Variants in RABGAP1L observed in about 807,000 individuals in gnomAD.
The protein encoded by RABGAP1L is RAB GTPase activating protein 1 like.
A neutral mutation model predicts 137.7 loss-of-function variants in RABGAP1L; 63 were observed. The ratio of observed to expected loss-of-function variants is 0.46; its 90% CI spans 0.37 to 0.56. The LOEUF is 0.56. Ranked by LOEUF, RABGAP1L falls within the 20% of genes least tolerant of loss-of-function variation. The pLI is 0.00. For synonymous variants in RABGAP1L, 431 were observed against 433.7 expected (o/e 0.99, Z 0.08); for missense variants, 1,095 against 1,244.0 (o/e 0.88, Z 1.80).
At chr1:174,636,030 C>G (rs1240101843) in intron 13 of RABGAP1L, among the ~76,000 whole-genome samples, 1 of 152,096 alleles carries the variant, frequency 6.6e-6, no homozygotes, top group Admixed American at 6.5e-5. Flanking sequence ...AATTAGTAGT[C>G]TGATGTGAAT....
rs186496460 is a variant in RABGAP1L, at chr1:174,208,262, G to T, written c.-33-10863G>T. Among the ~76,000 whole-genome samples, 14 of 151,786 alleles carry T rather than the reference G, an allele frequency of 9.2e-5. No individual in the cohort carries two copies. In the East Asian group the frequency reaches 2.7e-3, roughly 29 times the overall value. On this transcript the variant is annotated intron_variant, in intron 1 of 25. Coordinates refer to ENST00000681986, the MANE Select transcript of RABGAP1L (RefSeq NM_001366446.1). The stretch of plus-strand genomic sequence containing the variant: ...TACTGTACTTGCTTATTAGTTCTGA[G>T]GGTTTTTTTTTTCTCTTTTTGAATC...
intron 13 of RABGAP1L, among the ~76,000 whole-genome samples, chr1:174,478,405 G>C (rs951710193): frequency 3.3e-5 from 5 of 151,688 alleles, no homozygotes; most frequent in African/African-American, 1.2e-4. Context: ...TTAGTAGCTA[G>C]TACTATAGGT....
chr1:174,912,309 CT>C (rs1315829658), intron 19 of RABGAP1L, among the ~76,000 whole-genome samples: 1 of 152,008 alleles, frequency 6.6e-6, no homozygotes, highest in East Asian at 1.9e-4. Flanking sequence ...GCCCAGCTAA[CT>C]TTTTCATTTT....
intron 5 of RABGAP1L, among the ~76,000 whole-genome samples, chr1:174,247,637 GC>G (rs1277566780): frequency 6.6e-6 from 1 of 152,192 alleles, no homozygotes; most frequent in Non-Finnish European, 1.5e-5. Flanking sequence ...CAACATGGCT[GC>G]CCACACATAT....
chr1:174,758,422 A>AT (rs1214537583), intron 18 of RABGAP1L, among the ~76,000 whole-genome samples: 7 of 151,330 alleles, frequency 4.6e-5, no homozygotes, highest in South Asian at 4.2e-4. Context: ...ATTTATTTTT[A>AT]TTTTTTTTAA....
intron 15 of RABGAP1L, among the ~76,000 whole-genome samples, chr1:174,692,997 G>T (rs1032814264): frequency 1.3e-5 from 2 of 152,122 alleles, no homozygotes; most frequent in African/African-American, 4.8e-5. Context: ...CCAAAATCAT[G>T]TATTTCTCCT....
At chr1:174,580,588 C>T (rs2148083944) in intron 13 of RABGAP1L, among the ~76,000 whole-genome samples, 1 of 151,706 alleles carries the variant, frequency 6.6e-6, no homozygotes, top group Admixed American at 6.6e-5. Context: ...AATGAGAACA[C>T]ATGGACACAG....
At chr1:174,181,179 A>AT (rs757453436) in intron 1 of RABGAP1L, among the ~76,000 whole-genome samples, 29 of 151,968 alleles carry the variant, frequency 1.9e-4, no homozygotes, top group Non-Finnish European at 2.6e-4. Flanking sequence ...TTTTATTTTG[A>AT]TTTTTTTAAA....
intron 19 of RABGAP1L, chr1:174,875,519 G>T: frequency 1.0e-6 from 1 of 985,262 alleles, no homozygotes. Flanking sequence ...GTCTTTGTCA[G>T]TGCACCTTAT....
At chr1:174,619,992 G>A (rs946119425) in intron 13 of RABGAP1L, among the ~76,000 whole-genome samples, 3 of 152,162 alleles carry the variant, frequency 2.0e-5, no homozygotes, top group Non-Finnish European at 2.9e-5. Flanking sequence ...TGCAATCCTA[G>A]TCTCTGATAA....
rs545443915 is a variant in RABGAP1L at position 174,924,101 on chromosome 1, A to T, written c.2341-33356A>T. Among the ~76,000 whole-genome samples, 54 of 151,748 alleles carry T rather than the reference A, an allele frequency of 3.6e-4. 1 individual carries two copies. The highest frequency in any genetic ancestry group is 8.3e-4 in the South Asian group (4 of 4,812). On this transcript the variant is annotated intron_variant, in intron 19 of 25. Coordinates refer to ENST00000681986, the MANE Select transcript of RABGAP1L (RefSeq NM_001366446.1). The stretch of plus-strand genomic sequence containing the variant: ...AGAAAGCTTCATAAGAAAGATACAA[A>T]GTACTGACTGGGCACAGTGGCTCAC...
At chr1:174,188,941 A>G (rs1022812790) in intron 1 of RABGAP1L, among the ~76,000 whole-genome samples, 4 of 152,242 alleles carry the variant, frequency 2.6e-5, no homozygotes, top group Non-Finnish European at 5.9e-5. Context: ...GAGAGTCAGC[A>G]TGTCCTTTGA....
chr1:174,820,834 T>C (rs572439417), intron 19 of RABGAP1L, among the ~76,000 whole-genome samples: 2 of 152,050 alleles, frequency 1.3e-5, no homozygotes, highest in African/African-American at 2.4e-5. Context: ...CTGGCCAACA[T>C]GGTGAAAACC....
intron 19 of RABGAP1L, among the ~76,000 whole-genome samples, chr1:174,913,174 C>T (rs1660324727): frequency 6.6e-6 from 1 of 152,112 alleles, no homozygotes; most frequent in Non-Finnish European, 1.5e-5. Flanking sequence ...CAGGGTTTCA[C>T]CACATTGGCC....
chr1:174,429,907 G>T (rs1409884602), intron 13 of RABGAP1L, among the ~76,000 whole-genome samples: 1 of 152,090 alleles, frequency 6.6e-6, no homozygotes, highest in Non-Finnish European at 1.5e-5. Flanking sequence ...GGGGAAATGT[G>T]TCATGTTAGC....
intron 13 of RABGAP1L, among the ~76,000 whole-genome samples, chr1:174,615,373 G>C (rs149014627): frequency 6.6e-6 from 1 of 152,236 alleles, no homozygotes; most frequent in African/African-American, 2.4e-5. Flanking sequence ...ATCAGCAGCA[G>C]TGGCTGCAGA....
intron 12 of RABGAP1L, among the ~76,000 whole-genome samples, chr1:174,372,449 G>A (rs537209537): frequency 6.6e-6 from 1 of 152,136 alleles, no homozygotes; most frequent in East Asian, 1.9e-4. Flanking sequence ...TTTTTATAGA[G>A]GGTACAATAA....
chr1:174,711,259 C>T (rs1680483850), intron 17 of RABGAP1L, among the ~76,000 whole-genome samples: 1 of 152,170 alleles, frequency 6.6e-6, no homozygotes, highest in Admixed American at 6.5e-5. Flanking sequence ...CCAGCTCCAG[C>T]CTTGGCCAGC....
intron 1 of RABGAP1L, among the ~76,000 whole-genome samples, chr1:174,199,122 GTTC>G (rs1170370980): frequency 3.3e-5 from 5 of 151,544 alleles, no homozygotes; most frequent in African/African-American, 1.2e-4. Flanking sequence ...AAAAGAAAAA[GTTC>G]TTATTACTGA....
Sources: gnomAD v4.1 joint callset for allele counts (sites outside exome capture counted in the v4.1 genomes callset) on GRCh38, gnomAD v4.1.1 for gene constraint, MANE v1.5 for transcripts, NCBI Gene and HGNC (gene_info 2026-07-23, HGNC 2026-07-21) for gene names.